The following FAM118B variants were observed in gnomAD, a reference collection of about 807,000 sequenced individuals.
FAM118B encodes protein FAM118B.
In FAM118B, 24 loss-of-function variants were observed where a neutral mutation model predicts 38.5. The observed-to-expected ratio is 0.62, with a 90% CI of 0.45 to 0.88. The LOEUF is 0.88. FAM118B is among the 40% of genes least tolerant of loss of function. FAM118B has a pLI of 0.00. For missense variants in FAM118B, 334 were observed against 420.0 expected, an observed-to-expected ratio of 0.80 and a Z score of 1.79; for synonymous variants, 138 against 156.3, an observed-to-expected ratio of 0.88 and a Z score of 0.87.
intron 2 of FAM118B, 81 bp from the exon 3 acceptor site, chr11:126,234,914 T>A (rs1050048049): frequency 7.5e-5 from 86 of 1,146,374 alleles, no homozygotes; most frequent in African/African-American, 1.7e-4. Context: ...ACAGCTTTTT[T>A]AAACTGTTTA....
Position 126,262,122 on chromosome 11 carries a change from T to G in FAM118B, c.1045T>G (p.Cys349Gly). The G allele has an allele frequency of 6.2e-7, 1 of 1,614,140 alleles. No homozygotes were observed. The highest frequency in any genetic ancestry group is 8.5e-7 in the Non-Finnish European group (1 of 1,180,010). The change falls in exon 9 of 9, where the codon TGT becomes GGT. Residue 349 changes from cysteine to glycine, a missense_variant and splice_region_variant. Cys to Gly is a radical substitution (Grantham distance 159). Around this residue, in one of 3 missense-constraint regions of FAM118B, gnomAD observed 88 missense variants for 98.1 expected, o/e 0.90. Transcript: ENST00000533050. Reference sequence around the variant, plus strand: ...TTCTCTTTTCTTTCTCCCTACAGGCTGTAGTACATGAGCGAGCTAGAGAAA... The same window carrying G: ...TTCTCTTTTCTTTCTCCCTACAGGCGGTAGTACATGAGCGAGCTAGAGAAA... ...SSAAHSEIRG[C>G]ST
chr11:126,244,620 A>G lies in FAM118B; in HGVS notation c.339+3576A>G, dbSNP rs569899387. On this transcript the variant is annotated intron_variant, in intron 4 of 8. Transcript: ENST00000533050. The surrounding 1 kb of genome is among the most constrained non-coding windows in gnomAD (Gnocchi z 4.5). ...GGAGGTAGAGACCAGCCTGGCCAAC[A>G]TGGTGAAACCCCGTCTCTACTAAAA... Among the ~76,000 whole-genome samples the G allele has an allele frequency of 1.3e-5, 2 of 152,314 alleles. No individual in the cohort carries two copies. The highest frequency in any genetic ancestry group is 3.9e-4 in the East Asian group (2 of 5,174).
chr11:126,236,560 T>TGACAATTC (rs1950276880), intron 3 of FAM118B, among the ~76,000 whole-genome samples: 6 of 152,334 alleles, frequency 3.9e-5, no homozygotes, highest in Admixed American at 2.6e-4. Flanking sequence ...CACAGTGATG[T>TGACAATTC]ATCTTGTCAT....
chr11:126,223,471 G>A (rs925332117), intron 1 of FAM118B, among the ~76,000 whole-genome samples: 23 of 151,836 alleles, frequency 1.5e-4, no homozygotes, highest in Admixed American at 7.9e-4. Context: ...GGTGGCGGGC[G>A]CCTGTAGTCC....
chr11:126,245,918 C>T (rs1054043765), intron 4 of FAM118B, among the ~76,000 whole-genome samples: 11 of 151,574 alleles, frequency 7.3e-5, no homozygotes, highest in African/African-American at 2.7e-4. Context: ...ATTGCTTGAA[C>T]CCGGGAGGCG....
chr11:126,236,482 TTTG>T (rs1042212075), intron 3 of FAM118B, among the ~76,000 whole-genome samples: 70 of 152,260 alleles, frequency 4.6e-4, no homozygotes, highest in South Asian at 3.9e-3. Flanking sequence ...TTGTTTCATT[TTTG>T]TTGTTGTTGT....
chr11:126,221,626 G>A (rs1288755026), intron 1 of FAM118B, among the ~76,000 whole-genome samples: 3 of 152,020 alleles, frequency 2.0e-5, no homozygotes, highest in Non-Finnish European at 2.9e-5. Context: ...TGAAGGTAGC[G>A]TTTTGGGAGT....
Position 126,250,662 on chromosome 11 carries a change from A to G in FAM118B, c.496A>G (p.Asn166Asp). ...CCTCGTATTAACTACAAATTTTGAT[A>G]ATCTCTTGGAACTGTATGCAGCAGA... ...GALVLTTNFDNLLELYAADQG... is the reference protein window; with the variant it reads ...GALVLTTNFDDLLELYAADQG... The change falls in exon 5 of 9, where the codon AAT (asparagine) becomes GAT (aspartate). Residue 166 changes from asparagine to aspartate, a missense_variant. Physicochemically the swap from Asn to Asp is conservative, Grantham distance 23 (BLOSUM62 1). Around this residue, in one of 3 missense-constraint regions of FAM118B, gnomAD observed 240 missense variants for 295.9 expected, o/e 0.81. Transcript: ENST00000533050. This position sits in a 1 kb window ranked among gnomAD's most constrained non-coding sequence, Gnocchi z 5.1. 6.2e-7 allele frequency: 1 copy of G among 1,614,136 alleles called. No homozygotes were observed. Among genetic ancestry groups the G allele is most frequent in the African/African-American group, 1.3e-5 (1 of 75,026 alleles).
intron 1 of FAM118B, among the ~76,000 whole-genome samples, chr11:126,226,793 C>G (rs2135141153): frequency 6.6e-6 from 1 of 152,080 alleles, no homozygotes; most frequent in African/African-American, 2.4e-5. Context: ...CCAACCTGGA[C>G]AACATGGTGA....
chr11:126,250,417 T>G lies in FAM118B; in HGVS notation c.340-89T>G. 2 of 866,374 alleles carry G rather than the reference T, an allele frequency of 2.3e-6. No homozygotes were observed. The highest frequency in any genetic ancestry group is 3.7e-6 in the Non-Finnish European group (2 of 547,224). The allele number at this position is 866,374 out of a possible 1,614,324, so 53.7% of individuals were successfully genotyped here. A position where few individuals can be genotyped will look rare whatever the true frequency, so the allele number is the denominator to read the frequency against. On this transcript the variant is annotated intron_variant, in intron 4 of 8. Coordinates refer to ENST00000533050, the MANE Select transcript of FAM118B (RefSeq NM_024556.4). This position sits in a 1 kb window ranked among gnomAD's most constrained non-coding sequence, Gnocchi z 5.1. ...TTATCTCTGTTTTGAATTCAAAATA[T>G]TCTTCCAAAATTTGTTACTGCTGTA...
intron 2 of FAM118B, among the ~76,000 whole-genome samples, chr11:126,229,634 G>C (rs549305935): frequency 6.6e-6 from 1 of 152,018 alleles, no homozygotes; most frequent in Non-Finnish European, 1.5e-5. Context: ...GTAGAGACGG[G>C]GTTTCACCAT....
chr11:126,236,705 T>C (rs1161522311), intron 3 of FAM118B, among the ~76,000 whole-genome samples: 1 of 152,076 alleles, frequency 6.6e-6, no homozygotes, highest in Non-Finnish European at 1.5e-5. Flanking sequence ...AAACTCTTGT[T>C]ATTCAGATGT....
intron 1 of FAM118B, among the ~76,000 whole-genome samples, chr11:126,213,434 T>C (rs1949919654): frequency 6.6e-6 from 1 of 152,162 alleles, no homozygotes; most frequent in Non-Finnish European, 1.5e-5. Context: ...CCTGCAAATT[T>C]ACCAGTAAGA....
intron 2 of FAM118B, among the ~76,000 whole-genome samples, chr11:126,231,319 A>G (rs1017778798): frequency 6.6e-6 from 1 of 152,230 alleles, no homozygotes; most frequent in Non-Finnish European, 1.5e-5. Context: ...TGAAAACTCA[A>G]ACGTGATCAC....
At chr11:126,232,723 A>T (rs12805761) in intron 2 of FAM118B, among the ~76,000 whole-genome samples, 33,180 of 151,146 alleles carry the variant, frequency 0.22, 4,256 homozygotes, top group South Asian at 0.4. Flanking sequence ...ATTTTTTTTT[A>T]AAAAAATATA....
At chr11:126,257,772 C>A (rs1433915546) in intron 7 of FAM118B, among the ~76,000 whole-genome samples, 1 of 151,932 alleles carries the variant, frequency 6.6e-6, no homozygotes, top group African/African-American at 2.4e-5. Flanking sequence ...TTTAGAAATG[C>A]TATTTGGAAA....
chr11:126,261,458 C>T lies in FAM118B; in HGVS notation c.1016C>T (p.Ser339Leu), dbSNP rs1950696574. 1.2e-6 allele frequency: 2 copies of T among 1,613,926 alleles called. No homozygotes were observed. The highest frequency in any genetic ancestry group is 1.7e-6 in the Non-Finnish European group (2 of 1,179,802). Reference protein sequence around the residue: ...GMVREGQLNGSSAAHSEIRGC... With the variant: ...GMVREGQLNGLSAAHSEIRGC... ...GTGAGAGAAGGTCAGCTAAATGGCT[C>T]ATCTGCAGCACACAGTGAAATAAGA... Residue 339 changes from serine to leucine, a missense_variant, in exon 8 of 9, where the codon TCA becomes TTA. Transcript: ENST00000533050.
intron 2 of FAM118B, among the ~76,000 whole-genome samples, chr11:126,231,665 A>G (rs1950207893): frequency 6.6e-6 from 1 of 152,234 alleles, no homozygotes; most frequent in Non-Finnish European, 1.5e-5. Context: ...TTAATTTTTT[A>G]AAGTAATAGT....
chr11:126,261,153 G>GTAAAA lies in FAM118B; in HGVS notation c.983-271_983-270insAAAAT, dbSNP rs1463258459. On this transcript the variant is annotated intron_variant, in intron 7 of 8. Coordinates refer to ENST00000533050, the MANE Select transcript of FAM118B (RefSeq NM_024556.4). ...GACAGCAGACACATGTTGCCTGTAT[G>GTAAAA]TGAAATGTAAAATGTAAAATGTAAA... 52 of 406,744 alleles carry GTAAAA rather than the reference G, an allele frequency of 1.3e-4. 1 individual carries two copies. The highest frequency in any genetic ancestry group is 1.7e-4 in the Non-Finnish European group (38 of 225,776). The allele number at this position is 406,744 out of a possible 1,614,324, so 25.2% of individuals were successfully genotyped here.
Sources: allele counts gnomAD v4.1 joint callset (sites outside exome capture counted in the v4.1 genomes callset), GRCh38; gene constraint gnomAD v4.1.1; regional missense constraint gnomAD v4.1.1; non-coding constraint Gnocchi (gnomAD v3.1); transcripts MANE v1.5; gene names NCBI Gene and HGNC (gene_info 2026-07-23, HGNC 2026-07-21).